IGSF10: variants seen among roughly 807,000 people sequenced by gnomAD.
IGSF10 encodes calvaria mechanical force protein 608.
Under a neutral mutation model 128.2 loss-of-function variants are expected in IGSF10, and 126 were observed. The ratio of observed to expected loss-of-function variants is 0.98; its 90% CI spans 0.85 to 1.14. The LOEUF is 1.14. Among genes scored for constraint, IGSF10 ranks in the 50% most tolerant of loss-of-function variants. IGSF10 has a pLI of 0.00. For synonymous variants in IGSF10, 1,185 were observed against 1,146.2 expected (o/e 1.03, Z -0.68); for missense variants, 3,295 against 3,149.8 (o/e 1.05, Z -1.10).
the IGSF10 span, among the ~76,000 whole-genome samples, chr3:151,568,452 CTAGA>C: frequency 6.6e-6 from 1 of 152,144 alleles, no homozygotes; most frequent in Non-Finnish European, 1.5e-5. Context: ...TGGGACACTA[CTAGA>C]TAGTGTTTGG....
chr3:151,487,409 G>A, the IGSF10 span, among the ~76,000 whole-genome samples: 1 of 152,136 alleles, frequency 6.6e-6, no homozygotes, highest in Non-Finnish European at 1.5e-5. Flanking sequence ...AGTACAAAGA[G>A]GAGCTGGTAC....
At chr3:151,486,528 A>G in the IGSF10 span, among the ~76,000 whole-genome samples, 1 of 152,234 alleles carries the variant, frequency 6.6e-6, no homozygotes, top group Admixed American at 6.5e-5. Flanking sequence ...TCTCAGCACT[A>G]CATTTTACTT....
chr3:151,488,292 C>G, the IGSF10 span, among the ~76,000 whole-genome samples: 1 of 125,614 alleles, frequency 8.0e-6, no homozygotes, highest in African/African-American at 3.2e-5. Flanking sequence ...TCAAGGAGAA[C>G]TACAAACCAC....
At chr3:151,567,584 G>C in the IGSF10 span, among the ~76,000 whole-genome samples, 1 of 152,092 alleles carries the variant, frequency 6.6e-6, no homozygotes, top group Non-Finnish European at 1.5e-5. Flanking sequence ...GTGTTACCTG[G>C]GAGGGTCTCT....
the IGSF10 span, among the ~76,000 whole-genome samples, chr3:151,508,106 C>A: frequency 6.6e-6 from 1 of 151,674 alleles, no homozygotes; most frequent in African/African-American, 2.4e-5. Flanking sequence ...ACGAGAGAAG[C>A]AATTCTATAT....
rs1720235789 is a variant in IGSF10 at position 151,436,480 on chromosome 3, AGTT to A, written c.*206_*208del. ...TTGTTGGCAAAATAAAAGTGCCTTA[AGTT>A]AAAAGTTTGTTTTGAGATCCATTAA... is the stretch of plus-strand genomic sequence containing the variant. On this transcript the variant is annotated 3_prime_UTR_variant, in exon 8 of 8. Coordinates refer to ENST00000282466, the MANE Select transcript of IGSF10 (RefSeq NM_178822.5). The A allele has an allele frequency of 2.3e-6, 1 of 433,440 alleles. No homozygotes were observed. The highest frequency in any genetic ancestry group is 4.0e-5 in the East Asian group (1 of 25,202). The allele number at this position is 433,440 out of a possible 1,614,324, so 26.8% of individuals were successfully genotyped here.
At chr3:151,569,132 C>T in the IGSF10 span, among the ~76,000 whole-genome samples, 1 of 152,138 alleles carries the variant, frequency 6.6e-6, no homozygotes, top group Non-Finnish European at 1.5e-5. Context: ...AGGGCAGTGG[C>T]AAGATCTTGA....
the IGSF10 span, among the ~76,000 whole-genome samples, chr3:151,470,689 T>C: frequency 6.6e-6 from 1 of 152,158 alleles, no homozygotes; most frequent in Admixed American, 6.5e-5. Context: ...CATAGGCCCA[T>C]TGCATACTAT....
At chr3:151,592,087 C>A in the IGSF10 span, among the ~76,000 whole-genome samples, 1 of 152,136 alleles carries the variant, frequency 6.6e-6, no homozygotes, top group Non-Finnish European at 1.5e-5. Flanking sequence ...ACTCTGGAGA[C>A]TACTAGGTTC....
chr3:151,578,572 G>A, the IGSF10 span, among the ~76,000 whole-genome samples: 6 of 152,198 alleles, frequency 3.9e-5, no homozygotes, highest in African/African-American at 1.4e-4. Context: ...GAATGACTGA[G>A]ATCAAGGCAG....
At chr3:151,487,122 G>C in the IGSF10 span, among the ~76,000 whole-genome samples, 3 of 151,846 alleles carry the variant, frequency 2.0e-5, no homozygotes, top group Non-Finnish European at 4.4e-5. Context: ...GAATCAAATA[G>C]GTGCAATAAA....
At chr3:151,432,696 C>T, downstream of IGSF10, 1 of 1,279,606 alleles carries the variant, frequency 7.8e-7, no homozygotes, top group Non-Finnish European at 1.1e-6. Flanking sequence ...GGGTAGCATC[C>T]ATCTGTGCAA....
At chr3:151,463,550 T>TTTTTTTTTTTTTTTTTTTTTTTG (rs1722163104), upstream of IGSF10, among the ~76,000 whole-genome samples, 1 of 111,242 alleles carries the variant, frequency 9.0e-6, no homozygotes, top group Non-Finnish European at 1.8e-5. Flanking sequence ...TTTTTTTTTT[T>TTTTTTTTTTTTTTTTTTTTTTTG]TTTTTTTTTT....
intron 5 of IGSF10, among the ~76,000 whole-genome samples, chr3:151,450,686 T>C (rs544771462): frequency 4.6e-5 from 7 of 151,766 alleles, no homozygotes; most frequent in South Asian, 2.1e-4. Context: ...CACCTGAGGT[T>C]GGAAGTTTGA....
At chr3:151,507,080 T>C in the IGSF10 span, among the ~76,000 whole-genome samples, 1 of 152,228 alleles carries the variant, frequency 6.6e-6, no homozygotes, top group African/African-American at 2.4e-5. Flanking sequence ...TAGGTGGCCA[T>C]GATGAAGTCT....
chr3:151,475,575 CAAGT>C, the IGSF10 span, among the ~76,000 whole-genome samples: 1 of 152,148 alleles, frequency 6.6e-6, no homozygotes, highest in Non-Finnish European at 1.5e-5. Context: ...AAACTGTGTT[CAAGT>C]AAGGCAAATG....
Position 151,445,726 on chromosome 3 carries a change from C to G in IGSF10, c.4255G>C (p.Asp1419His), listed in dbSNP as rs1345626109. Residue 1419 changes from aspartate to histidine, a missense_variant, in exon 6 of 8, where the codon GAT (aspartate) becomes CAT (histidine). Physicochemically the swap from Asp to His is moderately conservative, Grantham distance 81. Coordinates refer to ENST00000282466, the MANE Select transcript of IGSF10 (RefSeq NM_178822.5). ...SFHSRTLNLT[D>H]VIEELAQAST... ...GCTTGGGCTAGTTCTTCAATCACAT[C>G]TGTCAGATTAAGAGTTCTTGAATGA... is the stretch of plus-strand genomic sequence containing the variant. The G allele has an allele frequency of 6.2e-7, 1 of 1,614,054 alleles. No individual in the cohort carries two copies. The highest frequency in any genetic ancestry group is 2.2e-5 in the East Asian group (1 of 44,880).
chr3:151,552,999 A>T, the IGSF10 span, among the ~76,000 whole-genome samples: 27 of 152,168 alleles, frequency 1.8e-4, no homozygotes, highest in African/African-American at 6.3e-4. Context: ...CTTTATCTCT[A>T]GCTCCTGCCC....
the IGSF10 span, among the ~76,000 whole-genome samples, chr3:151,469,952 T>A: frequency 6.6e-6 from 1 of 152,344 alleles, no homozygotes; most frequent in Admixed American, 6.5e-5. Flanking sequence ...TTATCTAATG[T>A]ACCCACTGAT....
Sources: gnomAD v4.1 joint callset for allele counts (sites outside exome capture counted in the v4.1 genomes callset) on GRCh38, gnomAD v4.1.1 for gene constraint, MANE v1.5 for transcripts, NCBI Gene and HGNC (gene_info 2026-07-23, HGNC 2026-07-21) for gene names.